Variants in SCN4A observed in about 807,000 individuals in gnomAD.
The protein encoded by SCN4A is sodium channel protein type 4 subunit alpha.
In SCN4A, 83 loss-of-function variants were observed where a neutral mutation model predicts 162.0. The ratio of observed to expected loss-of-function variants is 0.51; its 90% CI spans 0.43 to 0.61. SCN4A has a LOEUF of 0.61. Among genes scored for constraint, SCN4A ranks in the 20% least tolerant of loss-of-function variants. The probability of loss-of-function intolerance (pLI) is 0.00; values close to 1 mark genes in which losing one functional copy is unlikely to be tolerated. For missense variants in SCN4A, 2,196 were observed against 2,462.5 expected, an observed-to-expected ratio of 0.89 and a Z score of 2.29; for synonymous variants, 944 against 985.1, an observed-to-expected ratio of 0.96 and a Z score of 0.78.
chr17:63,949,564 C>T, intron 14 of SCN4A, 36 bp from the exon 15 acceptor site: 4 of 1,561,522 alleles, frequency 2.6e-6, no homozygotes, highest in South Asian at 1.2e-5. Flanking sequence ...CATCTGGGTC[C>T]CTGAGAGACC....
chr17:63,963,994 G>T (rs915055346), intron 9 of SCN4A, among the ~76,000 whole-genome samples, 169 bp from the exon 10 acceptor site: 9 of 152,128 alleles, frequency 5.9e-5, no homozygotes, highest in African/African-American at 2.2e-4. Flanking sequence ...GGTGGTGGGG[G>T]TGACAGGGTA....
rs574891214 is a variant in SCN4A, at chr17:63,963,694, G to T, written c.1584C>A (p.Ser528Arg). ...CACCTTCCATGGCGTCGGAGATGCC[G>T]CTGTCTCCGCTGCTGCTCTGCCTCG... ...GAPRQSSSGD[S>R]GISDAMEELE... The change falls in exon 10 of 24, where the codon AGC (serine) becomes AGA (arginine). Residue 528 changes from serine to arginine, a missense_variant. Transcript: ENST00000435607. 5 of 1,590,520 alleles carry T rather than the reference G, an allele frequency of 3.1e-6. No homozygotes were observed. The highest frequency in any genetic ancestry group is 2.3e-5 in the East Asian group (1 of 43,934).
intron 6 of SCN4A, 81 bp from the exon 7 acceptor site, chr17:63,966,625 G>A: frequency 9.6e-7 from 1 of 1,038,076 alleles, no homozygotes; most frequent in Non-Finnish European, 1.5e-6. Context: ...GCACACCTGT[G>A]GACAGGTCTG....
chr17:63,967,542 G>A (rs936916576), intron 6 of SCN4A, among the ~76,000 whole-genome samples: 1 of 152,146 alleles, frequency 6.6e-6, no homozygotes, highest in Non-Finnish European at 1.5e-5. Context: ...GTGAGGATTC[G>A]GAGGGCTGGG....
chr17:63,966,223 T>C lies in SCN4A; in HGVS notation c.1121A>G (p.Glu374Gly), dbSNP rs762985399. 2 of 1,604,222 alleles carry C rather than the reference T, an allele frequency of 1.2e-6. No individual in the cohort carries two copies. Among genetic ancestry groups the C allele is most frequent in the Non-Finnish European group, 1.7e-6 (2 of 1,175,528 alleles). ...GGGGTTCCGCCCGGTCTTGATGCAC[T>C]CATAACCCTCAGGGCAGTGCCTAGG... ...SDAGHCPEGY[E>G]CIKTGRNPNY... Residue 374 changes from glutamate (E) to glycine (G), a missense_variant, in exon 8 of 24, where the codon GAG (glutamate) becomes GGG (glycine). By Grantham distance (98) the Glu-to-Gly change is moderately conservative (BLOSUM62 -2). Coordinates refer to ENST00000435607, the MANE Select transcript of SCN4A (RefSeq NM_000334.4).
rs200175006 is a variant in SCN4A, at chr17:63,972,201, G to A, written c.417C>T (p.Ile139=). The part of the protein sequence containing the change: ...IHALFSMFIM[I]TILTNCVFMT... ...TGAATACGCAGTTGGTCAAGATGGTGATCATGATGAACATGCTGAACAGCG... is the reference window on the plus strand; with the variant it reads ...TGAATACGCAGTTGGTCAAGATGGTAATCATGATGAACATGCTGAACAGCG... Residue 139 remains isoleucine (I), a synonymous_variant, in exon 3 of 24, where the codon ATC becomes ATT. Coordinates refer to ENST00000435607, the MANE Select transcript of SCN4A (RefSeq NM_000334.4). The surrounding 1 kb of genome is among the most constrained non-coding windows in gnomAD (Gnocchi z 4.3). 5 of 1,613,654 alleles carry A rather than the reference G, an allele frequency of 3.1e-6. No homozygotes were observed. The East Asian group carries it at 1.1e-4, about 36-fold the overall frequency.
chr17:63,966,077 G>C, intron 8 of SCN4A, 25 bp downstream of exon 8: 8 of 1,552,696 alleles, frequency 5.2e-6, no homozygotes, highest in South Asian at 1.2e-5. Context: ...TGTAGGGTTG[G>C]GGGGCAGGGT....
intron 4 of SCN4A, 62 bp downstream of exon 4, chr17:63,971,660 T>G: frequency 6.7e-7 from 1 of 1,499,948 alleles, no homozygotes; most frequent in Non-Finnish European, 9.1e-7. Context: ...CTTCCCTCTT[T>G]AAGGCCTGGC....
At chr17:63,954,180 T>G (rs1331085935) in intron 13 of SCN4A, among the ~76,000 whole-genome samples, 1 of 152,218 alleles carries the variant, frequency 6.6e-6, no homozygotes, top group African/African-American at 2.4e-5. Context: ...GGTCTTCTCG[T>G]CATTGTCTTC....
chr17:63,964,712 A>G (rs1909383148), intron 8 of SCN4A, 35 bp from the exon 9 acceptor site: 1 of 1,546,884 alleles, frequency 6.5e-7, no homozygotes, highest in Non-Finnish European at 8.8e-7. Flanking sequence ...GAGGGGTCCC[A>G]TGACGTCCAC....
In SCN4A at chr17:63,972,687, C is replaced by A; in HGVS notation, c.155G>T (p.Arg52Leu). ...NKQMEIEEPERKPRSDLEAGK... is the reference protein window; with the variant it reads ...NKQMEIEEPELKPRSDLEAGK... The stretch of plus-strand genomic sequence containing the variant: ...AGCCTCCAAGTCACTTCGTGGCTTC[C>A]GTTCGGGCTCCTCAATCTCCATCTG... The change falls in exon 1 of 24, where the codon CGG (arginine) becomes CTG (leucine). Residue 52 changes from arginine to leucine, a missense_variant. Physicochemically the swap from Arg to Leu is moderately radical, Grantham distance 102 (BLOSUM62 -2). Coordinates refer to ENST00000435607, the MANE Select transcript of SCN4A (RefSeq NM_000334.4). The surrounding 1 kb of genome is among the most constrained non-coding windows in gnomAD (Gnocchi z 4.3). The A allele has an allele frequency of 6.2e-7, 1 of 1,613,682 alleles. No homozygotes were observed. Among genetic ancestry groups the A allele is most frequent in the South Asian group, 1.1e-5 (1 of 91,016 alleles).
chr17:63,948,162 G>GT, intron 16 of SCN4A, 99 bp from the exon 17 acceptor site: 1 of 938,262 alleles, frequency 1.1e-6, no homozygotes, highest in Non-Finnish European at 1.5e-6. Context: ...CCGGGGGTCT[G>GT]CCGTGGGGGC....
rs1388841552 is a variant in SCN4A at position 63,941,066 on chromosome 17, C to A, written c.5216G>T (p.Arg1739Leu). Residue 1739 changes from arginine (R) to leucine (L), a missense_variant, in exon 24 of 24, where the codon CGC (arginine) becomes CTC (leucine). Arg to Leu is a moderately radical substitution (Grantham distance 102, BLOSUM62 -2). Coordinates refer to ENST00000435607, the MANE Select transcript of SCN4A (RefSeq NM_000334.4). This position sits in a 1 kb window ranked among gnomAD's most constrained non-coding sequence, Gnocchi z 6.2. ...CATGGAGCGCTGTAGCAGGTGCCGG[C>A]GGTAGGCCCTCTGGATCTTGATGGC... ...VCAIKIQRAY[R>L]RHLLQRSMKQ... The A allele has an allele frequency of 6.2e-7, 1 of 1,613,916 alleles. No individual in the cohort carries two copies.
Position 63,947,987 on chromosome 17 carries a change from T to C in SCN4A, c.3221A>G (p.Tyr1074Cys). 1 of 1,613,952 alleles carries C rather than the reference T, an allele frequency of 6.2e-7. No homozygotes were observed. The highest frequency in any genetic ancestry group is 1.7e-4 in the Middle Eastern group (1 of 6,058). Residue 1074 changes from tyrosine to cysteine, a missense_variant, in exon 17 of 24, where the codon TAC becomes TGC. Coordinates refer to ENST00000435607, the MANE Select transcript of SCN4A (RefSeq NM_000334.4). The stretch of plus-strand genomic sequence containing the variant: ...GAGCAGCATCTCCATGATGAAGATG[T>C]AGGTGAAGACCTTGTCGGCATATTC... ...ILEYADKVFT[Y>C]IFIMEMLLKW...
intron 14 of SCN4A, 115 bp from the exon 15 acceptor site, chr17:63,949,643 A>T (rs1908845022): frequency 8.2e-7 from 1 of 1,223,610 alleles, no homozygotes; most frequent in Admixed American, 2.6e-5. Context: ...AGGGAGGAGC[A>T]AACTCATCCA....
At position 63,944,797 on chromosome 17, in the gene SCN4A, G is replaced by A. The variant is rs767272792; in HGVS notation, c.3788C>T (p.Pro1263Leu). The A allele has an allele frequency of 3.1e-6, 5 of 1,613,778 alleles. No homozygotes were observed. The highest frequency in any genetic ancestry group is 1.3e-5 in the African/African-American group (1 of 75,050). The stretch of plus-strand genomic sequence containing the variant: ...CATGTAGAGGTTCACCTCGTACTGC[G>A]GCTGCTCCTCCTTCTGTGGGAGCCA... ...AVDSREKEEQ[P>L]QYEVNLYMYL... Residue 1263 changes from proline (P) to leucine (L), a missense_variant, in exon 21 of 24, where the codon CCG becomes CTG. Physicochemically the swap from Pro to Leu is moderately conservative, Grantham distance 98. Coordinates refer to ENST00000435607, the MANE Select transcript of SCN4A (RefSeq NM_000334.4). This position sits in a 1 kb window ranked among gnomAD's most constrained non-coding sequence, Gnocchi z 4.3.
chr17:63,960,947 A>G (rs2144797824), intron 11 of SCN4A, among the ~76,000 whole-genome samples: 1 of 151,778 alleles, frequency 6.6e-6, no homozygotes, highest in East Asian at 1.9e-4. Context: ...GACCTTAGGA[A>G]GCCCAGCGCC....
Position 63,957,511 on chromosome 17 carries a change from A to C in SCN4A, c.2027T>G (p.Val676Gly), listed in dbSNP as rs1597977458. The change falls in exon 13 of 24, where the codon GTC becomes GGC. Residue 676 changes from valine to glycine, a missense_variant. Coordinates refer to ENST00000435607, the MANE Select transcript of SCN4A (RefSeq NM_000334.4). ...SVLRSFRLLRVFKLAKSWPTL... is the reference protein window; with the variant it reads ...SVLRSFRLLRGFKLAKSWPTL... ...TGGCCACGACTTGGCCAGCTTGAAGACCCGCAGCTGCCAAGCAGGGAGGGC... is the reference window on the plus strand; with the variant it reads ...TGGCCACGACTTGGCCAGCTTGAAGCCCCGCAGCTGCCAAGCAGGGAGGGC... 1 of 1,609,328 alleles carries C rather than the reference A, an allele frequency of 6.2e-7. No individual in the cohort carries two copies. Among genetic ancestry groups the C allele is most frequent in the Non-Finnish European group, 8.5e-7 (1 of 1,176,356 alleles).
chr17:63,970,635 T>C (rs956174843), intron 5 of SCN4A, among the ~76,000 whole-genome samples: 3 of 151,680 alleles, frequency 2.0e-5, no homozygotes, highest in Non-Finnish European at 2.9e-5. Context: ...AGCTAATTTG[T>C]TTTCTTTTTT....
Sources: allele counts gnomAD v4.1 joint callset (sites outside exome capture counted in the v4.1 genomes callset), GRCh38; gene constraint gnomAD v4.1.1; non-coding constraint Gnocchi (gnomAD v3.1); transcripts MANE v1.5; gene names NCBI Gene and HGNC (gene_info 2026-07-23, HGNC 2026-07-21).